The following DCAF8L2 variants were observed in gnomAD, a reference collection of about 807,000 sequenced individuals.
DCAF8L2 encodes the protein DDB1 and CUL4 associated factor 8 like 2.
For synonymous variants in DCAF8L2, 200 were observed against 190.9 expected (o/e 1.05, Z -0.39); for missense variants, 430 against 490.7 (o/e 0.88, Z 1.17).
chrX:27,653,475 A>G, intron 2 of DCAF8L2, among the ~76,000 whole-genome samples: 1 of 111,108 alleles, frequency 9.0e-6, no homozygotes, highest in South Asian at 3.8e-4. Flanking sequence ...GTCACCCCCC[A>G]AGTAGCTTCC....
At chrX:27,595,197 A>G (rs891937271) in intron 1 of DCAF8L2, among the ~76,000 whole-genome samples, 2 of 111,458 alleles carry the variant, frequency 1.8e-5, no homozygotes, top group Admixed American at 9.6e-5. Context: ...CTCAAATACC[A>G]TCTACATGTT....
At chrX:27,483,095 C>A in the DCAF8L2 span, among the ~76,000 whole-genome samples, 3 of 111,411 alleles carry the variant, frequency 2.7e-5, no homozygotes, top group Non-Finnish European at 3.8e-5. Context: ...TTTACCCGAA[C>A]GTCTTTACTT....
Position 27,749,713 on chromosome X carries a change from C to T in DCAF8L2, c.*922C>T, listed in dbSNP as rs1400330381. On this transcript the variant is annotated 3_prime_UTR_variant, in exon 5 of 5. Coordinates refer to ENST00000451261, the MANE Select transcript of DCAF8L2 (RefSeq NM_001353450.2). The stretch of plus-strand genomic sequence containing the variant: ...TATAAAAATCTCTCATATTTGAAAA[C>T]GCATTCTAATTAACTTTTAAGAACA... Among the ~76,000 whole-genome samples, 1 of 111,940 alleles carries T rather than the reference C, an allele frequency of 8.9e-6. No homozygotes were observed. Among genetic ancestry groups the T allele is most frequent in the Non-Finnish European group, 1.9e-5 (1 of 53,184 alleles).
intron 1 of DCAF8L2, among the ~76,000 whole-genome samples, chrX:27,603,632 A>G (rs1279993117): frequency 8.9e-6 from 1 of 112,165 alleles, no homozygotes; most frequent in Non-Finnish European, 1.9e-5. Flanking sequence ...AACTGATATA[A>G]CAAACCTACA....
chrX:27,535,781 G>A, the DCAF8L2 span, among the ~76,000 whole-genome samples: 21 of 111,505 alleles, frequency 1.9e-4, no homozygotes, highest in East Asian at 5.3e-3. Context: ...CTGAGCTCAC[G>A]CAAGTAAAAG....
chrX:27,483,779 C>T, the DCAF8L2 span, among the ~76,000 whole-genome samples: 1 of 110,918 alleles, frequency 9.0e-6, no homozygotes, highest in Admixed American at 9.8e-5. Context: ...TTTGAGATGT[C>T]ATCTCACCTC....
At chrX:27,746,646 A>G in intron 4 of DCAF8L2, among the ~76,000 whole-genome samples, 192 bp from the exon 5 acceptor site, 1 of 112,147 alleles carries the variant, frequency 8.9e-6, no homozygotes, top group Non-Finnish European at 1.9e-5. Flanking sequence ...TGGAAAAACT[A>G]GAGCAGTCTG....
chrX:27,713,256 T>C (rs1408354673), intron 3 of DCAF8L2, among the ~76,000 whole-genome samples: 1 of 111,629 alleles, frequency 9.0e-6, no homozygotes, highest in Admixed American at 9.5e-5. Context: ...AATAAAATAA[T>C]GGACTTGGAA....
the DCAF8L2 span, among the ~76,000 whole-genome samples, chrX:27,571,970 G>T: frequency 8.9e-6 from 1 of 111,763 alleles, no homozygotes; most frequent in Non-Finnish European, 1.9e-5. Context: ...GTGCTATGTA[G>T]AGGAGAAAAA....
chrX:27,521,793 T>C, the DCAF8L2 span, among the ~76,000 whole-genome samples: 61 of 111,870 alleles, frequency 5.5e-4, 1 homozygote, highest in East Asian at 0.016. Context: ...TGCGTCTATA[T>C]TTATTAGAAC....
the DCAF8L2 span, among the ~76,000 whole-genome samples, chrX:27,573,373 TA>T: frequency 9.0e-6 from 1 of 110,598 alleles, no homozygotes; most frequent in Non-Finnish European, 1.9e-5. Context: ...TCCACTCTCT[TA>T]AGCTGGCCTC....
chrX:27,692,903 G>A (rs2147256879), intron 3 of DCAF8L2, among the ~76,000 whole-genome samples: 1 of 111,040 alleles, frequency 9.0e-6, no homozygotes, highest in East Asian at 2.8e-4. Context: ...AGAGCTATAT[G>A]GCCCCAAATG....
chrX:27,488,174 A>G, the DCAF8L2 span, among the ~76,000 whole-genome samples: 9 of 111,292 alleles, frequency 8.1e-5, no homozygotes, highest in African/African-American at 2.9e-4. Flanking sequence ...TTAGTGCTTT[A>G]TTATTACCAT....
the DCAF8L2 span, among the ~76,000 whole-genome samples, chrX:27,487,398 C>T: frequency 8.9e-6 from 1 of 111,738 alleles, no homozygotes; most frequent in Non-Finnish European, 1.9e-5. Context: ...TCTCCTGCCT[C>T]AGCCTCCCGA....
At chrX:27,668,826 G>A (rs191960423) in intron 2 of DCAF8L2, among the ~76,000 whole-genome samples, 3 of 110,515 alleles carry the variant, frequency 2.7e-5, no homozygotes, top group South Asian at 3.8e-4. Flanking sequence ...GGTGGTGGGC[G>A]CCTGTAATCC....
At chrX:27,729,100 AGG>A (rs925876074) in intron 4 of DCAF8L2, among the ~76,000 whole-genome samples, 9 of 111,965 alleles carry the variant, frequency 8.0e-5, no homozygotes, top group Non-Finnish European at 1.5e-4. Flanking sequence ...TTAAAACATA[AGG>A]TTAAAAAATA....
chrX:27,538,809 G>C, the DCAF8L2 span, among the ~76,000 whole-genome samples: 1 of 112,005 alleles, frequency 8.9e-6, no homozygotes, highest in Non-Finnish European at 1.9e-5. Flanking sequence ...TTCCATGATA[G>C]ACTTGACAGA....
intron 1 of DCAF8L2, among the ~76,000 whole-genome samples, chrX:27,629,508 CTT>C: frequency 9.5e-6 from 1 of 105,259 alleles, no homozygotes; most frequent in East Asian, 2.9e-4. Context: ...CTCTCTCTCT[CTT>C]TCTTTTCTTT....
At chrX:27,739,682 G>A (rs892079487) in intron 4 of DCAF8L2, among the ~76,000 whole-genome samples, 2 of 111,387 alleles carry the variant, frequency 1.8e-5, no homozygotes, top group Admixed American at 9.6e-5. Flanking sequence ...TCAATGTTTC[G>A]TGGACATTTT....
Sources: allele counts gnomAD v4.1 joint callset (sites outside exome capture counted in the v4.1 genomes callset), GRCh38; gene constraint gnomAD v4.1.1; transcripts MANE v1.5; gene names NCBI Gene and HGNC (gene_info 2026-07-23, HGNC 2026-07-21).